Variants in ADCY2 observed in about 807,000 individuals in gnomAD.
ADCY2 encodes the protein adenylate cyclase type 2.
ADCY2 carries 31 observed loss-of-function variants against 125.2 expected under a neutral mutation model. The observed-to-expected ratio is 0.25, with a 90% CI of 0.19 to 0.33. The LOEUF is 0.33. Among genes scored for constraint, ADCY2 ranks in the 10% least tolerant of loss-of-function variants. The pLI, the probability that ADCY2 is intolerant of heterozygous loss-of-function variation, is 1.00. For missense variants in ADCY2, 904 were observed against 1,418.2 expected (o/e 0.64, Z 5.82); for synonymous variants, 512 against 548.4 (o/e 0.93, Z 0.93).
intron 22 of ADCY2, among the ~76,000 whole-genome samples, chr5:7,806,452 G>T (rs1344796502): frequency 2.6e-5 from 4 of 152,142 alleles, no homozygotes; most frequent in South Asian, 2.1e-4. Flanking sequence ...CCACAGGCTG[G>T]GTGGCTTAAA....
chr5:7,823,964 C>T (rs1033162477), intron 24 of ADCY2, among the ~76,000 whole-genome samples: 9 of 152,160 alleles, frequency 5.9e-5, no homozygotes, highest in African/African-American at 2.2e-4. Context: ...CAGGTTTCTG[C>T]CTGTCAGTAG....
At chr5:7,791,583 T>C (rs1266326283) in intron 20 of ADCY2, among the ~76,000 whole-genome samples, 1 of 152,156 alleles carries the variant, frequency 6.6e-6, no homozygotes, top group Non-Finnish European at 1.5e-5. Context: ...TCTCTTCTCC[T>C]GGTGTTTACT....
At chr5:7,638,068 C>T (rs141029796) in intron 4 of ADCY2, among the ~76,000 whole-genome samples, 2 of 152,324 alleles carry the variant, frequency 1.3e-5, no homozygotes, top group African/African-American at 4.8e-5. Flanking sequence ...AACAGATATC[C>T]TGAGCCTTTC....
At chr5:7,485,002 G>C (rs999260401) in intron 2 of ADCY2, among the ~76,000 whole-genome samples, 2 of 152,120 alleles carry the variant, frequency 1.3e-5, no homozygotes, top group African/African-American at 4.8e-5. Context: ...TCAGAAAGGA[G>C]GTAAGAGGAG....
At chr5:7,531,878 C>A (rs1734657984) in intron 3 of ADCY2, among the ~76,000 whole-genome samples, 1 of 152,168 alleles carries the variant, frequency 6.6e-6, no homozygotes. Flanking sequence ...TACTTTTCAA[C>A]CCAACACGGA....
At chr5:7,423,415 C>T (rs553018923) in intron 2 of ADCY2, among the ~76,000 whole-genome samples, 1 of 152,206 alleles carries the variant, frequency 6.6e-6, no homozygotes, top group African/African-American at 2.4e-5. Context: ...TTGGGAGGGA[C>T]CTGGTGGGAG....
chr5:7,728,041 A>AT (rs956479999), intron 14 of ADCY2, among the ~76,000 whole-genome samples: 9 of 151,220 alleles, frequency 6.0e-5, no homozygotes, highest in East Asian at 1.9e-4. Flanking sequence ...TTTAAGATAG[A>AT]TTTTTTTTTC....
intron 2 of ADCY2, among the ~76,000 whole-genome samples, chr5:7,510,424 C>T (rs1029267831): frequency 2.0e-5 from 3 of 152,152 alleles, no homozygotes; most frequent in South Asian, 2.1e-4. Context: ...GACAACCCTT[C>T]GGAGCAGTGT....
At chr5:7,514,327 C>G (rs1281737774) in intron 2 of ADCY2, among the ~76,000 whole-genome samples, 1 of 152,172 alleles carries the variant, frequency 6.6e-6, no homozygotes, top group Non-Finnish European at 1.5e-5. Context: ...TGTACCTCAA[C>G]TCTTCTCCAT....
intron 15 of ADCY2, among the ~76,000 whole-genome samples, chr5:7,751,578 G>A (rs1448193147): frequency 6.6e-6 from 1 of 152,134 alleles, no homozygotes; most frequent in East Asian, 1.9e-4. Context: ...ATCAGGTAAT[G>A]TGATTTCAAA....
chr5:7,540,052 C>T (rs1734945044), intron 3 of ADCY2, among the ~76,000 whole-genome samples: 1 of 152,174 alleles, frequency 6.6e-6, no homozygotes, highest in Non-Finnish European at 1.5e-5. Flanking sequence ...AGCTGGAGGC[C>T]ATTATCCTTA....
At chr5:7,772,637 A>T (rs1434553464) in intron 17 of ADCY2, among the ~76,000 whole-genome samples, 1 of 152,194 alleles carries the variant, frequency 6.6e-6, no homozygotes, top group Non-Finnish European at 1.5e-5. Flanking sequence ...GCTTATAGTG[A>T]TGTGTCTTCC....
intron 12 of ADCY2, among the ~76,000 whole-genome samples, chr5:7,721,308 G>A (rs1741749710): frequency 6.6e-6 from 1 of 152,200 alleles, no homozygotes; most frequent in African/African-American, 2.4e-5. Flanking sequence ...CCCTTTGTCA[G>A]ATGGGTAGAT....
intron 12 of ADCY2, among the ~76,000 whole-genome samples, chr5:7,724,114 CAAAAAA>C (rs1272949604): frequency 1.3e-5 from 1 of 76,568 alleles, no homozygotes; most frequent in Admixed American, 2.0e-4. Flanking sequence ...TAGAAGCTAA[CAAAAAA>C]AAAAAAAAAA....
chr5:7,726,981 T>C (rs1741951849), intron 13 of ADCY2, among the ~76,000 whole-genome samples, 183 bp from the exon 14 acceptor site: 1 of 152,154 alleles, frequency 6.6e-6, no homozygotes, highest in Non-Finnish European at 1.5e-5. Context: ...TCCTTCACAG[T>C]TCATGTGGGG....
chr5:7,606,687 A>C (rs1048548228), intron 3 of ADCY2, among the ~76,000 whole-genome samples: 1 of 152,198 alleles, frequency 6.6e-6, no homozygotes, highest in African/African-American at 2.4e-5. Context: ...AGAGAATGAT[A>C]TGTCACATCA....
intron 3 of ADCY2, among the ~76,000 whole-genome samples, chr5:7,569,345 G>C (rs767250348): frequency 1.6e-4 from 24 of 152,160 alleles, no homozygotes; most frequent in Non-Finnish European, 3.5e-4. Flanking sequence ...GTTGGATGTG[G>C]ATGAGTGCTT....
chr5:7,740,235 C>G (rs995513482), intron 14 of ADCY2, among the ~76,000 whole-genome samples: 3 of 151,712 alleles, frequency 2.0e-5, no homozygotes, highest in Non-Finnish European at 4.4e-5. Context: ...ATAAAGAATT[C>G]AAATGAAAAG....
intron 1 of ADCY2, among the ~76,000 whole-genome samples, chr5:7,407,261 A>T (rs1358835483): frequency 6.6e-6 from 1 of 152,218 alleles, no homozygotes; most frequent in African/African-American, 2.4e-5. Context: ...TGGGTGGAAA[A>T]GTCAGAACAT....
Sources: gnomAD v4.1 joint callset for allele counts (sites outside exome capture counted in the v4.1 genomes callset) on GRCh38, gnomAD v4.1.1 for gene constraint, MANE v1.5 for transcripts, NCBI Gene and HGNC (gene_info 2026-07-23, HGNC 2026-07-21) for gene names.